Variants in MYOF observed in about 807,000 individuals in gnomAD.
MYOF encodes the protein fer-1-like 3, myoferlin.
In MYOF, 244 loss-of-function variants were observed where a neutral mutation model predicts 284.2. That is an observed-to-expected ratio of 0.86 (90% CI 0.77 to 0.95). MYOF has a LOEUF of 0.95. Among genes scored for constraint, MYOF ranks in the 40% least tolerant of loss-of-function variants. MYOF has a pLI of 0.00. For synonymous variants in MYOF, 904 were observed against 919.7 expected (o/e 0.98, Z 0.31); for missense variants, 2,496 against 2,560.6 (o/e 0.97, Z 0.54).
At chr10:93,474,007 T>C (rs1398916810) in intron 1 of MYOF, among the ~76,000 whole-genome samples, 1 of 152,134 alleles carries the variant, frequency 6.6e-6, no homozygotes, top group Admixed American at 6.5e-5. Context: ...GCCCACAGGG[T>C]GCACACTCCA....
intron 27 of MYOF, 102 bp from the exon 28 acceptor site, chr10:93,361,659 C>A: frequency 1.0e-6 from 1 of 969,822 alleles, no homozygotes; most frequent in Non-Finnish European, 1.6e-6. Context: ...GCATTCACAC[C>A]TTTACTTAGA....
At chr10:93,351,960 A>C in intron 32 of MYOF, 114 bp from the exon 33 acceptor site, 1 of 936,508 alleles carries the variant, frequency 1.1e-6, no homozygotes, top group South Asian at 1.9e-5. Flanking sequence ...GGCTCTGACC[A>C]CCTGCCTGGA....
intron 4 of MYOF, among the ~76,000 whole-genome samples, chr10:93,426,892 T>TC (rs200956281): frequency 0.051 from 7,397 of 145,390 alleles, 277 homozygotes; most frequent in Non-Finnish European, 0.078. Context: ...GTCTTTTTTT[T>TC]TTTTTTTTTT....
intron 53 of MYOF, 84 bp downstream of exon 53, chr10:93,309,936 C>T: frequency 6.5e-7 from 1 of 1,546,336 alleles, no homozygotes. Context: ...TTCTTCTGCA[C>T]AGTGGTCAGG....
At chr10:93,344,930 T>G (rs1844114028) in intron 37 of MYOF, among the ~76,000 whole-genome samples, 1 of 152,086 alleles carries the variant, frequency 6.6e-6, no homozygotes. Flanking sequence ...GGTTAGAGCA[T>G]GGACTCAGGA....
intron 1 of MYOF, among the ~76,000 whole-genome samples, chr10:93,476,068 G>A (rs916329459): frequency 6.6e-6 from 1 of 152,010 alleles, no homozygotes; most frequent in East Asian, 1.9e-4. Flanking sequence ...ACAATACAGT[G>A]GTTTTATGGG....
chr10:93,390,997 GA>G (rs1846649156), intron 17 of MYOF, among the ~76,000 whole-genome samples: 1 of 152,270 alleles, frequency 6.6e-6, no homozygotes. Context: ...TCAAAGCTCA[GA>G]AAAGGACACC....
chr10:93,429,150 A>C (rs1848726312), intron 4 of MYOF, among the ~76,000 whole-genome samples: 1 of 152,064 alleles, frequency 6.6e-6, no homozygotes. Context: ...GTGAGTTCTC[A>C]TTCTATTAGT....
At chr10:93,435,146 C>A (rs1443212025) in intron 3 of MYOF, among the ~76,000 whole-genome samples, 1 of 152,134 alleles carries the variant, frequency 6.6e-6, no homozygotes, top group Non-Finnish European at 1.5e-5. Flanking sequence ...CATAGCCTAA[C>A]CCTAGGACTA....
intron 4 of MYOF, among the ~76,000 whole-genome samples, chr10:93,431,166 T>C (rs766569621): frequency 1.3e-5 from 2 of 151,938 alleles, no homozygotes; most frequent in Non-Finnish European, 2.9e-5. Flanking sequence ...GTAGCTGGGA[T>C]TACAGACACC....
chr10:93,427,033 T>C (rs1848621500), intron 4 of MYOF, among the ~76,000 whole-genome samples: 1 of 150,926 alleles, frequency 6.6e-6, no homozygotes, highest in Non-Finnish European at 1.5e-5. Context: ...AATACAGGCG[T>C]GCACCATCAT....
rs1055241551 is a variant in MYOF at position 93,375,888 on chromosome 10, C to T, written c.2109-933G>A. Among the ~76,000 whole-genome samples the T allele has an allele frequency of 4.6e-5, 7 of 152,188 alleles. No homozygotes were observed. The East Asian group carries it at 1.3e-3, about 29-fold the overall frequency. On this transcript the variant is annotated intron_variant, in intron 22 of 53. Coordinates refer to ENST00000359263, the MANE Select transcript of MYOF (RefSeq NM_013451.4). Reference sequence around the variant, plus strand: ...TGGCTGAGCTAGAGCCAGAATTAGCCTTCTGCTGCCAGGCCTTGCCTCCCA... The same window carrying T: ...TGGCTGAGCTAGAGCCAGAATTAGCTTTCTGCTGCCAGGCCTTGCCTCCCA...
rs76113285 is a variant in MYOF, at chr10:93,438,421, A to G, written c.237-6905T>C. ...CACAGGAAACTATTGCTAAGGTAAAATCCCCGCAAAGGGCTGCGCCTCGGT... is the reference window on the plus strand; with the variant it reads ...CACAGGAAACTATTGCTAAGGTAAAGTCCCCGCAAAGGGCTGCGCCTCGGT... On this transcript the variant is annotated intron_variant, in intron 3 of 53. Transcript: ENST00000359263. 6.8e-3 allele frequency among the ~76,000 whole-genome samples: 1,042 copies of G among 152,174 alleles called. 9 individuals carry two copies. The highest frequency in any genetic ancestry group is 0.024 in the African/African-American group (986 of 41,512).
intron 3 of MYOF, among the ~76,000 whole-genome samples, chr10:93,434,409 C>A (rs1219164700): frequency 8.5e-5 from 11 of 128,760 alleles, no homozygotes; most frequent in Non-Finnish European, 9.6e-5. Flanking sequence ...CCAGCCTGGG[C>A]AACAGAGCAA....
chr10:93,401,465 C>A lies in MYOF; in HGVS notation c.1070G>T (p.Trp357Leu), dbSNP rs763768172. Residue 357 changes from tryptophan to leucine, a missense_variant, in exon 12 of 54, where the codon TGG (tryptophan) becomes TTG (leucine). Trp to Leu is a moderately conservative substitution (Grantham distance 61, BLOSUM62 -2). Around this residue, in one of 3 missense-constraint regions of MYOF, gnomAD observed 2,436 missense variants for 2,480.7 expected, o/e 0.98. Transcript: ENST00000359263. ...GTAGATTTTCAGCAAGAAGGTCACCCACCGGAGGGCAATGCCAGCAGGGAG... is the reference window on the plus strand; with the variant it reads ...GTAGATTTTCAGCAAGAAGGTCACCAACCGGAGGGCAATGCCAGCAGGGAG... ...LLLPAGIALR[W>L]VTFLLKIYRA... 1 of 1,614,180 alleles carries A rather than the reference C, an allele frequency of 6.2e-7. No homozygotes were observed. The highest frequency in any genetic ancestry group is 8.5e-7 in the Non-Finnish European group (1 of 1,180,034).
At chr10:93,481,577 A>C (rs1589632579) in intron 1 of MYOF, among the ~76,000 whole-genome samples, 1 of 152,194 alleles carries the variant, frequency 6.6e-6, no homozygotes, top group Non-Finnish European at 1.5e-5. Context: ...GCTCCCCAAC[A>C]GTTTAGATAT....
At chr10:93,423,153 T>A (rs1468050070) in intron 5 of MYOF, among the ~76,000 whole-genome samples, 2 of 152,132 alleles carry the variant, frequency 1.3e-5, no homozygotes, top group Non-Finnish European at 2.9e-5. Flanking sequence ...CTCACCCTAA[T>A]CCACAGTGAC....
intron 37 of MYOF, among the ~76,000 whole-genome samples, chr10:93,346,993 C>T (rs1423286180): frequency 2.0e-5 from 3 of 152,212 alleles, no homozygotes; most frequent in Non-Finnish European, 4.4e-5. Flanking sequence ...AGGGAACATT[C>T]ATGAGCACTT....
chr10:93,391,215 C>T (rs1846659501), intron 17 of MYOF, among the ~76,000 whole-genome samples: 1 of 152,192 alleles, frequency 6.6e-6, no homozygotes, highest in Non-Finnish European at 1.5e-5. Flanking sequence ...TGGTATGTTA[C>T]CCCTTTGACT....
Sources: allele counts gnomAD v4.1 joint callset (sites outside exome capture counted in the v4.1 genomes callset), GRCh38; gene constraint gnomAD v4.1.1; regional missense constraint gnomAD v4.1.1; transcripts MANE v1.5; gene names NCBI Gene and HGNC (gene_info 2026-07-23, HGNC 2026-07-21).